Variants in CRTAM observed in about 807,000 individuals in gnomAD.
CRTAM encodes cytotoxic and regulatory T-cell molecule.
In CRTAM, 44 loss-of-function variants were observed where a neutral mutation model predicts 50.0. The observed-to-expected ratio is 0.88, with a 90% CI of 0.69 to 1.13. The LOEUF is 1.13. CRTAM is among the 50% of genes most tolerant of loss of function. The pLI is 0.00. For missense variants in CRTAM, 448 were observed against 457.5 expected (o/e 0.98, Z 0.19); for synonymous variants, 159 against 169.3 (o/e 0.94, Z 0.47).
At position 122,851,483 on chromosome 11, in the gene CRTAM, C is replaced by T. The variant is rs371013536; in HGVS notation, c.194-210C>T. On this transcript the variant is annotated intron_variant, in intron 2 of 9. Transcript: ENST00000227348. ...TACACTGGGAGAAGAGGGACTCTCT[C>T]GGATTTCTGCAGCAGAATGGCTTGA... Among the ~76,000 whole-genome samples the T allele has an allele frequency of 1.4e-3, 215 of 152,266 alleles. 1 individual carries two copies. Among genetic ancestry groups the T allele is most frequent in the African/African-American group, 4.9e-3 (204 of 41,550 alleles).
At chr11:122,870,812 C>T (rs935093264) in intron 9 of CRTAM, among the ~76,000 whole-genome samples, 1 of 152,168 alleles carries the variant, frequency 6.6e-6, no homozygotes, top group Admixed American at 6.5e-5. Flanking sequence ...AGTGCAGTGG[C>T]TTATGCCTAT....
rs540203092 is a variant in CRTAM, at chr11:122,871,757, A to T, written c.*358A>T. 47 of 154,546 alleles carry T rather than the reference A, an allele frequency of 3.0e-4. No homozygotes were observed. The highest frequency in any genetic ancestry group is 6.5e-3 in the Middle Eastern group (2 of 306). 9.6% of individuals were successfully genotyped at this position (154,546 alleles called of 1,614,324 possible). ...TTGCTCTAATGGAACTGTTTAAAAA[A>T]TTTTTTTTTCTTTTTAATATTTTCT... On this transcript the variant is annotated 3_prime_UTR_variant, in exon 10 of 10. Transcript: ENST00000227348.
In CRTAM at chr11:122,855,877, T is replaced by C. The variant is rs201473516; in HGVS notation, c.652+21T>C. On this transcript the variant is annotated intron_variant, in intron 5 of 9. Coordinates refer to ENST00000227348, the MANE Select transcript of CRTAM (RefSeq NM_019604.4). ...TTTGGGTAAGAAGAACTAATGATTC[T>C]CTTGAATAATTTTTGATTTACTTTA... 1.8e-4 allele frequency: 295 copies of C among 1,595,040 alleles called. 1 individual carries two copies. In the African/African-American group the frequency reaches 3.6e-3, roughly 19 times the overall value.
intron 7 of CRTAM, among the ~76,000 whole-genome samples, chr11:122,865,569 A>T (rs528599540): frequency 6.2e-4 from 94 of 152,276 alleles, no homozygotes; most frequent in African/African-American, 2.2e-3. Flanking sequence ...TACAGGTGTG[A>T]GCCACTGTGC....
intron 6 of CRTAM, among the ~76,000 whole-genome samples, chr11:122,863,347 AAG>A (rs769492168): frequency 8.5e-6 from 1 of 117,420 alleles, no homozygotes; most frequent in Non-Finnish European, 1.9e-5. Context: ...GAAAGAAAGA[AAG>A]AAAAAGAAAG....
chr11:122,847,895 C>T (rs1338946087), intron 1 of CRTAM, among the ~76,000 whole-genome samples: 7 of 152,180 alleles, frequency 4.6e-5, no homozygotes, highest in Non-Finnish European at 7.3e-5. Context: ...AGGGCTTGGA[C>T]GCAGTGGTAT....
chr11:122,856,311 A>G (rs1862007190), intron 5 of CRTAM, among the ~76,000 whole-genome samples: 1 of 152,244 alleles, frequency 6.6e-6, no homozygotes, highest in Non-Finnish European at 1.5e-5. Context: ...TTTTATTGTT[A>G]TAATTGCTTT....
intron 9 of CRTAM, 87 bp downstream of exon 9, chr11:122,868,186 ATATGTGTG>A (rs949760683): frequency 2.5e-5 from 16 of 630,992 alleles, no homozygotes; most frequent in East Asian, 1.1e-4. Context: ...AGACAACAGA[ATATGTGTG>A]TGTGTGTGTG....
chr11:122,855,811 C>CT lies in CRTAM; in HGVS notation c.608dup (p.Gln204AlafsTer12), dbSNP rs1488537329. The CT allele has an allele frequency of 6.2e-7, 1 of 1,614,066 alleles. No homozygotes were observed. The highest frequency in any genetic ancestry group is 1.1e-5 in the South Asian group (1 of 91,076). On this transcript the variant is annotated frameshift_variant, in exon 5 of 10. Transcript: ENST00000227348. LOFTEE classifies it high-confidence loss of function. ...GGACTGCATTATCCGACACAGAGGC[C>CT]TGCAAGGGAGAAAACTAGTAGCACC...
chr11:122,868,327 G>C (rs908169069), intron 9 of CRTAM, among the ~76,000 whole-genome samples: 1 of 151,752 alleles, frequency 6.6e-6, no homozygotes, highest in Non-Finnish European at 1.5e-5. Flanking sequence ...GGAGACCCTG[G>C]TATGCTGGTA....
chr11:122,871,635 C>T lies in CRTAM; in HGVS notation c.*236C>T. Reference sequence around the variant, plus strand: ...AGCAAAAAAATAATTATGCCTGACACTACTTCAGAGCAGGAGGATTCTACG... The same window carrying T: ...AGCAAAAAAATAATTATGCCTGACATTACTTCAGAGCAGGAGGATTCTACG... On this transcript the variant is annotated 3_prime_UTR_variant, in exon 10 of 10. Coordinates refer to ENST00000227348, the MANE Select transcript of CRTAM (RefSeq NM_019604.4). 1 of 287,796 alleles carries T rather than the reference C, an allele frequency of 3.5e-6. No individual in the cohort carries two copies. The highest frequency in any genetic ancestry group is 6.4e-6 in the Non-Finnish European group (1 of 156,566). 17.8% of individuals were successfully genotyped at this position (287,796 alleles called of 1,614,324 possible).
At chr11:122,841,743 T>A (rs1238075615) in intron 1 of CRTAM, among the ~76,000 whole-genome samples, 1 of 152,082 alleles carries the variant, frequency 6.6e-6, no homozygotes, top group East Asian at 1.9e-4. Flanking sequence ...TATCTAAAAT[T>A]TTACATTATG....
Position 122,850,215 on chromosome 11 carries a change from G to C in CRTAM, c.193+1G>C, listed in dbSNP as rs775496953. 48 of 1,591,414 alleles carry C rather than the reference G, an allele frequency of 3.0e-5. No homozygotes were observed. Among genetic ancestry groups the C allele is most frequent in the Non-Finnish European group, 3.9e-5 (45 of 1,165,420 alleles). On this transcript the variant is annotated splice_donor_variant, in intron 2 of 9. Coordinates refer to ENST00000227348, the MANE Select transcript of CRTAM (RefSeq NM_019604.4). LOFTEE classifies it high-confidence loss of function. ...ACCATTTTTTTAAATGAGTATCCTG[G>C]TAAGTGAAAGAAAGAAAGAAAAAAT...
intron 7 of CRTAM, 95 bp downstream of exon 7, chr11:122,864,814 A>C (rs1862147652): frequency 3.4e-6 from 3 of 877,358 alleles, no homozygotes; most frequent in Non-Finnish European, 3.7e-6. Flanking sequence ...CCTTTTCTTG[A>C]CCTTTCTGCC....
intron 6 of CRTAM, 102 bp downstream of exon 6, chr11:122,862,646 T>C (rs1862102261): frequency 1.3e-6 from 1 of 775,574 alleles, no homozygotes; most frequent in East Asian, 2.7e-5. Flanking sequence ...TGTTTTAATT[T>C]TTACTAAGAC....
At chr11:122,860,886 G>A (rs1862062770) in intron 5 of CRTAM, among the ~76,000 whole-genome samples, 1 of 152,020 alleles carries the variant, frequency 6.6e-6, no homozygotes, top group African/African-American at 2.4e-5. Context: ...TTGTAGAGAT[G>A]GGGTCTTGCC....
chr11:122,863,036 A>G (rs1295360672), intron 6 of CRTAM, among the ~76,000 whole-genome samples: 1 of 152,160 alleles, frequency 6.6e-6, no homozygotes, highest in Non-Finnish European at 1.5e-5. Context: ...ATTGTCAATA[A>G]CTCAGGTCAT....
At chr11:122,856,958 C>A (rs1862015289) in intron 5 of CRTAM, among the ~76,000 whole-genome samples, 1 of 151,454 alleles carries the variant, frequency 6.6e-6, no homozygotes, top group African/African-American at 2.4e-5. Context: ...AGAACTGAAG[C>A]ATAGGGCATG....
chr11:122,846,533 C>T (rs577017058), intron 1 of CRTAM, among the ~76,000 whole-genome samples: 2 of 152,250 alleles, frequency 1.3e-5, no homozygotes, highest in East Asian at 1.9e-4. Context: ...AGGTGATCTG[C>T]TCACTTCGGC....
Sources: allele counts gnomAD v4.1 joint callset (sites outside exome capture counted in the v4.1 genomes callset), GRCh38; gene constraint gnomAD v4.1.1; transcripts MANE v1.5; gene names NCBI Gene and HGNC (gene_info 2026-07-23, HGNC 2026-07-21).